Variants in PLA2G6 observed in about 807,000 individuals in gnomAD.
PLA2G6 encodes 85/88 kDa calcium-independent phospholipase A2.
A neutral mutation model predicts 83.8 loss-of-function variants in PLA2G6; 62 were observed. The observed-to-expected ratio is 0.74, with a 90% CI of 0.60 to 0.91. The LOEUF (loss-of-function observed/expected upper bound fraction) is 0.91. Among genes scored for constraint, PLA2G6 ranks in the 40% least tolerant of loss-of-function variants. PLA2G6 has a pLI of 0.00. For missense variants in PLA2G6, 944 were observed against 1,102.0 expected, an observed-to-expected ratio of 0.86 and a Z score of 2.03; for synonymous variants, 417 against 449.8, an observed-to-expected ratio of 0.93 and a Z score of 0.92.
At chr22:38,113,023 C>T (rs565021899) in intron 15 of PLA2G6, among the ~76,000 whole-genome samples, 7 of 152,182 alleles carry the variant, frequency 4.6e-5, no homozygotes, top group Non-Finnish European at 7.3e-5. Context: ...CCTCCCACCT[C>T]AGCCTCCTGA....
chr22:38,153,303 C>T (rs532260361), intron 2 of PLA2G6, among the ~76,000 whole-genome samples: 16 of 152,254 alleles, frequency 1.1e-4, no homozygotes, highest in African/African-American at 3.6e-4. Context: ...ATGTGGCCGC[C>T]GCCCCGTCTG....
intron 1 of PLA2G6, among the ~76,000 whole-genome samples, chr22:38,169,796 T>C (rs924065469): frequency 3.3e-5 from 5 of 152,214 alleles, no homozygotes; most frequent in African/African-American, 4.8e-5. Flanking sequence ...TGTGTGGTAT[T>C]GACCAAAGGA....
At chr22:38,126,668 G>A (rs2087880272) in intron 9 of PLA2G6, 3 of 573,886 alleles carry the variant, frequency 5.2e-6, no homozygotes, top group East Asian at 6.2e-5. Flanking sequence ...GTGGAAAGGG[G>A]GGCCCACTGC....
At chr22:38,162,076 C>T (rs1395101771) in intron 2 of PLA2G6, among the ~76,000 whole-genome samples, 1 of 151,804 alleles carries the variant, frequency 6.6e-6, no homozygotes, top group East Asian at 1.9e-4. Context: ...GGTGTGGTGG[C>T]GGGTGCCTAT....
rs11570682 is a variant in PLA2G6, at chr22:38,132,671, T to C, written c.1077+160A>G. The C allele has an allele frequency of 4.6e-3, 3,114 of 671,042 alleles. 68 individuals are homozygous for C. In the African/African-American group the frequency reaches 0.047, roughly 10 times the overall value. 41.6% of individuals were successfully genotyped at this position (671,042 alleles called of 1,614,324 possible). A position where few individuals can be genotyped will look rare whatever the true frequency, so the allele number is the denominator to read the frequency against. On this transcript the variant is annotated intron_variant, in intron 7 of 16. Transcript: ENST00000332509. This position sits in a 1 kb window ranked among gnomAD's most constrained non-coding sequence, Gnocchi z 5.0. ...TGAGAGGGGGACTTGGAAGGCTTCC[T>C]GAGGGAGGAGTCAGGGTCTGAACTG...
intron 10 of PLA2G6, chr22:38,126,092 G>C: frequency 2.0e-6 from 1 of 495,382 alleles, no homozygotes; most frequent in Non-Finnish European, 3.8e-6. Context: ...GCCATAAGGA[G>C]ATCAGGGAGG....
intron 1 of PLA2G6, among the ~76,000 whole-genome samples, chr22:38,173,657 G>A (rs1487128092): frequency 6.6e-6 from 1 of 152,174 alleles, no homozygotes; most frequent in Admixed American, 6.5e-5. Flanking sequence ...TCCCCTGGAG[G>A]AGCTGAAGGA....
intron 12 of PLA2G6, chr22:38,116,415 G>A (rs748135490): frequency 1.4e-5 from 10 of 724,946 alleles, no homozygotes; most frequent in East Asian, 5.4e-5. Flanking sequence ...TCCAACCTTG[G>A]GGGCACAATT....
chr22:38,147,436 G>C (rs2089322389), intron 2 of PLA2G6: 2 of 169,168 alleles, frequency 1.2e-5, no homozygotes, highest in African/African-American at 2.4e-5. Context: ...TTGTTCCACA[G>C]AGAGTGCGTT....
intron 1 of PLA2G6, among the ~76,000 whole-genome samples, chr22:38,180,733 T>C (rs1320507859): frequency 6.6e-6 from 1 of 152,196 alleles, no homozygotes; most frequent in East Asian, 1.9e-4. Flanking sequence ...CTTTACCTTC[T>C]ACATTTTCTC....
rs912829352 is a variant in PLA2G6, at chr22:38,135,000, G to A, written c.882C>T (p.Ala294=). 6 of 939,542 alleles carry A rather than the reference G, an allele frequency of 6.4e-6. No individual in the cohort carries two copies. Among genetic ancestry groups the A allele is most frequent in the Admixed American group, 5.8e-5 (3 of 51,522 alleles). The allele number at this position is 939,542 out of a possible 1,614,324, so 58.2% of individuals were successfully genotyped here. A position where few individuals can be genotyped will look rare whatever the true frequency, so the allele number is the denominator to read the frequency against. The change falls in exon 6 of 17, where the codon GCC becomes GCT. Residue 294 remains alanine (A), a synonymous_variant. Transcript: ENST00000332509. ...PRYGASPLHW[A]KNAEMARMLL... is the part of the protein sequence containing the mutation. ...AGGATCCACTCACCTCTGCGTTCTTGGCCCAGTGGAGGGGGCTGGCTCCGT... is the reference window on the plus strand; with the variant it reads ...AGGATCCACTCACCTCTGCGTTCTTAGCCCAGTGGAGGGGGCTGGCTCCGT...
chr22:38,177,044 A>G (rs1469765541), intron 1 of PLA2G6, among the ~76,000 whole-genome samples: 2 of 148,256 alleles, frequency 1.3e-5, no homozygotes, highest in African/African-American at 4.9e-5. Context: ...GACTGTCTCA[A>G]AAAAAAAAAA....
At chr22:38,145,828 CACACACCCCTAT>C (rs2089224919) in intron 2 of PLA2G6, 175 bp from the exon 3 acceptor site, 1 of 649,556 alleles carries the variant, frequency 1.5e-6, no homozygotes, top group African/African-American at 1.8e-5. Context: ...CACACACACA[CACACACCCCTAT>C]ACACATGTAA....
chr22:38,162,754 A>C (rs2090068679), intron 2 of PLA2G6, among the ~76,000 whole-genome samples: 1 of 152,116 alleles, frequency 6.6e-6, no homozygotes, highest in Non-Finnish European at 1.5e-5. Flanking sequence ...CAGAAGATTC[A>C]AGGCTGGGGG....
intron 1 of PLA2G6, among the ~76,000 whole-genome samples, chr22:38,171,881 C>T (rs1428688671): frequency 2.0e-5 from 3 of 151,784 alleles, no homozygotes; most frequent in African/African-American, 4.8e-5. Context: ...AGGCTGGTCT[C>T]GAACGCCCGG....
chr22:38,126,893 G>C lies in PLA2G6; in HGVS notation c.1349-444C>G. The C allele has an allele frequency of 7.3e-6, 4 of 551,138 alleles. No individual in the cohort carries two copies. In the South Asian group the frequency reaches 9.5e-5, roughly 13 times the overall value. The allele number at this position is 551,138 out of a possible 1,614,324, so 34.1% of individuals were successfully genotyped here. On this transcript the variant is annotated intron_variant, in intron 9 of 16. Coordinates refer to ENST00000332509, the MANE Select transcript of PLA2G6 (RefSeq NM_003560.4). ...CTAAGAGGGTCCATAATTCACCCAAGGTCATTTAGTCAAAAGGCTGAGTCA... is the reference window on the plus strand; with the variant it reads ...CTAAGAGGGTCCATAATTCACCCAACGTCATTTAGTCAAAAGGCTGAGTCA...
rs1441712816 is a variant in PLA2G6, at chr22:38,128,939, C to T, written c.1187-509G>A. 6.6e-6 allele frequency among the ~76,000 whole-genome samples: 1 copy of T among 152,278 alleles called. No homozygotes were observed. The highest frequency in any genetic ancestry group is 1.9e-4 in the East Asian group (1 of 5,202). On this transcript the variant is annotated intron_variant, in intron 8 of 16. Coordinates refer to ENST00000332509, the MANE Select transcript of PLA2G6 (RefSeq NM_003560.4). The surrounding 1 kb of genome is among the most constrained non-coding windows in gnomAD (Gnocchi z 4.4). ...TACCTGCCCACAGTGACCCCCACAG[C>T]TGCTGAAACCCTCCAGAGCGGGCTC...
At chr22:38,181,276 G>C (rs2090836190) in intron 1 of PLA2G6, among the ~76,000 whole-genome samples, 1 of 152,132 alleles carries the variant, frequency 6.6e-6, no homozygotes, top group Admixed American at 6.6e-5. Context: ...AGGAAAAAAA[G>C]CAGGGAGGAA....
intron 9 of PLA2G6, chr22:38,126,722 C>A: frequency 2.0e-6 from 1 of 495,276 alleles, no homozygotes. Context: ...TCCCAGGTTC[C>A]CCTCAATCTC....
Sources: gnomAD v4.1 joint callset for allele counts (sites outside exome capture counted in the v4.1 genomes callset) on GRCh38, gnomAD v4.1.1 for gene constraint, Gnocchi (gnomAD v3.1) non-coding constraint, MANE v1.5 for transcripts, NCBI Gene and HGNC (gene_info 2026-07-23, HGNC 2026-07-21) for gene names.